Variants in LHFPL3 observed in about 807,000 individuals in gnomAD.
LHFPL3 encodes the protein LHFPL tetraspan subfamily member 3, also known as LHFPL tetraspan subfamily member 3 protein.
Under a neutral mutation model 19.3 loss-of-function variants are expected in LHFPL3, and 5 were observed. The ratio of observed to expected loss-of-function variants is 0.26; its 90% CI spans 0.14 to 0.54. The LOEUF is 0.54. LHFPL3 is among the 20% of genes least tolerant of loss of function. The pLI, the probability that LHFPL3 is intolerant of heterozygous loss-of-function variation, is 0.94. For synonymous variants in LHFPL3, 133 were observed against 126.2 expected (o/e 1.05, Z -0.36); for missense variants, 249 against 307.4 (o/e 0.81, Z 1.42).
intron 1 of LHFPL3, among the ~76,000 whole-genome samples, chr7:104,703,537 T>C (rs1409698171): frequency 1.3e-5 from 2 of 152,216 alleles, no homozygotes; most frequent in African/African-American, 2.4e-5. Context: ...GACTTTGAAT[T>C]CTGCCACTCT....
At chr7:104,569,452 G>C (rs1200278185) in intron 1 of LHFPL3, among the ~76,000 whole-genome samples, 1 of 152,098 alleles carries the variant, frequency 6.6e-6, no homozygotes, top group Non-Finnish European at 1.5e-5. Context: ...TATACACCTT[G>C]TCATTCAGTG....
At chr7:104,497,874 A>T (rs1793516638) in intron 1 of LHFPL3, among the ~76,000 whole-genome samples, 1 of 152,140 alleles carries the variant, frequency 6.6e-6, no homozygotes, top group Non-Finnish European at 1.5e-5. Flanking sequence ...CTGACACCTG[A>T]GTCACAAGGT....
chr7:104,834,724 A>G lies in LHFPL3; in HGVS notation c.683-71463A>G, dbSNP rs547398544. The stretch of plus-strand genomic sequence containing the variant: ...AAACACATGTGTGCACAATCCATTC[A>G]GCATGGCCCATGCAGGTCCTGCAGG... On this transcript the variant is annotated intron_variant, in intron 2 of 2. Coordinates refer to ENST00000424859, the MANE Select transcript of LHFPL3 (RefSeq NM_199000.3). Among the ~76,000 whole-genome samples the G allele has an allele frequency of 2.6e-5, 4 of 152,076 alleles. No individual in the cohort carries two copies. In the East Asian group the frequency reaches 7.7e-4, roughly 29 times the overall value.
At chr7:104,372,248 A>G (rs1221927127) in intron 1 of LHFPL3, among the ~76,000 whole-genome samples, 1 of 152,194 alleles carries the variant, frequency 6.6e-6, no homozygotes, top group Non-Finnish European at 1.5e-5. Context: ...TTTTCCATGT[A>G]TACGTTACCT....
At chr7:104,764,588 A>G (rs555228632) in intron 2 of LHFPL3, among the ~76,000 whole-genome samples, 3 of 152,236 alleles carry the variant, frequency 2.0e-5, no homozygotes, top group Non-Finnish European at 4.4e-5. Context: ...CAAAAACCCT[A>G]TGATTTTTTT....
chr7:104,732,412 G>A (rs1306029295), intron 1 of LHFPL3, among the ~76,000 whole-genome samples: 1 of 152,092 alleles, frequency 6.6e-6, no homozygotes, highest in African/African-American at 2.4e-5. Context: ...GCCTGTTATT[G>A]GTCTATTCAG....
At chr7:104,613,752 G>T (rs2115761612) in intron 1 of LHFPL3, among the ~76,000 whole-genome samples, 1 of 152,240 alleles carries the variant, frequency 6.6e-6, no homozygotes, top group African/African-American at 2.4e-5. Flanking sequence ...AAGAAAAATT[G>T]CATGGGCCGA....
intron 1 of LHFPL3, chr7:104,470,123 G>A (rs897897595): frequency 8.8e-6 from 4 of 454,622 alleles, no homozygotes; most frequent in African/African-American, 4.0e-5. Flanking sequence ...AGTGAGAGGA[G>A]AAGAAGAACA....
At chr7:104,824,999 T>C (rs1455595357) in intron 2 of LHFPL3, among the ~76,000 whole-genome samples, 1 of 148,858 alleles carries the variant, frequency 6.7e-6, no homozygotes, top group Non-Finnish European at 1.5e-5. Context: ...TTCTTTGAAT[T>C]ATGCATGCTT....
chr7:104,583,922 T>G (rs1362874682), intron 1 of LHFPL3, among the ~76,000 whole-genome samples: 1 of 151,708 alleles, frequency 6.6e-6, no homozygotes, highest in East Asian at 1.9e-4. Flanking sequence ...GATCTAGAAC[T>G]AGAAATACCA....
chr7:104,574,155 T>G (rs1423816399), intron 1 of LHFPL3, among the ~76,000 whole-genome samples: 1 of 152,174 alleles, frequency 6.6e-6, no homozygotes, highest in Non-Finnish European at 1.5e-5. Context: ...TCAAGTGAAT[T>G]TTTCAATTAT....
chr7:104,365,787 C>CCAAA (rs1554381840), intron 1 of LHFPL3, among the ~76,000 whole-genome samples: 9 of 49,974 alleles, frequency 1.8e-4, no homozygotes, highest in Middle Eastern at 8.9e-3. Context: ...GACTCCGTCT[C>CCAAA]AAAAAAAAAA....
chr7:104,760,341 C>G (rs1211844828), intron 2 of LHFPL3, among the ~76,000 whole-genome samples: 1 of 152,168 alleles, frequency 6.6e-6, no homozygotes, highest in Non-Finnish European at 1.5e-5. Flanking sequence ...GTAGTATGGA[C>G]TGGGATAGGT....
At chr7:104,570,229 C>G (rs1392808861) in intron 1 of LHFPL3, among the ~76,000 whole-genome samples, 2 of 152,176 alleles carry the variant, frequency 1.3e-5, no homozygotes, top group Non-Finnish European at 2.9e-5. Context: ...CCATCTTTTG[C>G]CTGCTCTTGT....
chr7:104,742,793 A>G (rs1230426987), intron 2 of LHFPL3, among the ~76,000 whole-genome samples: 2 of 152,216 alleles, frequency 1.3e-5, no homozygotes, highest in Non-Finnish European at 1.5e-5. Context: ...CCTTCATATC[A>G]GTGAGCACAT....
intron 1 of LHFPL3, among the ~76,000 whole-genome samples, chr7:104,544,147 T>C (rs1200948467): frequency 6.6e-6 from 1 of 152,006 alleles, no homozygotes. Flanking sequence ...TCAGAGTAAA[T>C]GGAATTCAGT....
chr7:104,690,847 C>G (rs1424014037), intron 1 of LHFPL3, among the ~76,000 whole-genome samples: 1 of 152,214 alleles, frequency 6.6e-6, no homozygotes, highest in Non-Finnish European at 1.5e-5. Context: ...TAGGAGAAAG[C>G]TCTGCAATAG....
At chr7:104,678,424 G>A (rs2116075961) in intron 1 of LHFPL3, among the ~76,000 whole-genome samples, 1 of 152,180 alleles carries the variant, frequency 6.6e-6, no homozygotes, top group Admixed American at 6.5e-5. Context: ...ACAACCCCAA[G>A]GTGACCACTT....
intron 1 of LHFPL3, among the ~76,000 whole-genome samples, chr7:104,534,617 C>G (rs1384170030): frequency 6.6e-6 from 1 of 152,176 alleles, no homozygotes; most frequent in African/African-American, 2.4e-5. Context: ...TAACTGTTCT[C>G]ACTAATTCAA....
Sources: allele counts gnomAD v4.1 joint callset (sites outside exome capture counted in the v4.1 genomes callset), GRCh38; gene constraint gnomAD v4.1.1; transcripts MANE v1.5; gene names NCBI Gene and HGNC (gene_info 2026-07-23, HGNC 2026-07-21).